DIPK1A: variants seen among roughly 807,000 people sequenced by gnomAD.
DIPK1A encodes the protein family with sequence similarity 69 member A.
In DIPK1A, 27 loss-of-function variants were observed where a neutral mutation model predicts 40.8. That is an observed-to-expected ratio of 0.66 (90% CI 0.49 to 0.91). The LOEUF (loss-of-function observed/expected upper bound fraction) is 0.91, where lower values mean the gene tolerates loss of function less well. Among genes scored for constraint, DIPK1A ranks in the 40% least tolerant of loss-of-function variants. The pLI is 0.00. For missense variants in DIPK1A, 412 were observed against 505.7 expected (o/e 0.81, Z 1.78); for synonymous variants, 166 against 171.3 (o/e 0.97, Z 0.24).
chr1:92,836,460 G>C lies in DIPK1A; in HGVS notation c.475-3426C>G, dbSNP rs191435290. The C allele has an allele frequency of 9.1e-6, 13 of 1,425,466 alleles. No homozygotes were observed. The East Asian group carries it at 3.0e-4, about 32-fold the overall frequency. The allele number at this position is 1,425,466 out of a possible 1,614,324, so 88.3% of individuals were successfully genotyped here. On this transcript the variant is annotated intron_variant, in intron 4 of 4. Coordinates refer to the DIPK1A transcript ENST00000615519. Reference sequence around the variant, plus strand: ...TTCCCTGTTTTTAACTAGTTGGACTGTGGAGATAACCGAATTAAAGTAGCT... The same window carrying C: ...TTCCCTGTTTTTAACTAGTTGGACTCTGGAGATAACCGAATTAAAGTAGCT...
downstream of DIPK1A, chr1:92,837,659 A>T: frequency 1.3e-6 from 2 of 1,590,804 alleles, no homozygotes; most frequent in Non-Finnish European, 8.6e-7. Flanking sequence ...AAAAATGCCT[A>T]TATTGGTTAA....
downstream of DIPK1A, chr1:92,841,811 A>C (rs368043950): frequency 1.9e-6 from 3 of 1,611,742 alleles, no homozygotes; most frequent in African/African-American, 4.0e-5. Flanking sequence ...AGGATCGGGT[A>C]GCTCAAAAGA....
intron 1 of DIPK1A, among the ~76,000 whole-genome samples, chr1:92,940,658 C>A (rs1459191021): frequency 2.0e-5 from 3 of 152,176 alleles, no homozygotes; most frequent in Admixed American, 6.5e-5. Flanking sequence ...AAACTATATA[C>A]CCCCTTGCAT....
At chr1:92,856,223 AAC>A (rs1173144248) in intron 2 of DIPK1A, among the ~76,000 whole-genome samples, 4 of 152,158 alleles carry the variant, frequency 2.6e-5, no homozygotes, top group African/African-American at 9.6e-5. Flanking sequence ...AAAAAATAGA[AAC>A]AATTTATGGT....
At chr1:92,934,722 T>C (rs1650883498) in intron 1 of DIPK1A, among the ~76,000 whole-genome samples, 1 of 152,166 alleles carries the variant, frequency 6.6e-6, no homozygotes, top group Non-Finnish European at 1.5e-5. Context: ...CAGAATCAAA[T>C]AGCTCAGCAT....
chr1:92,944,884 G>C (rs1475276147), intron 1 of DIPK1A, among the ~76,000 whole-genome samples: 1 of 152,104 alleles, frequency 6.6e-6, no homozygotes, highest in Non-Finnish European at 1.5e-5. Flanking sequence ...TGATCCTCCT[G>C]CTTTGCGCTC....
At chr1:92,924,010 A>T (rs1249988486) in intron 1 of DIPK1A, among the ~76,000 whole-genome samples, 1 of 152,378 alleles carries the variant, frequency 6.6e-6, no homozygotes, top group Middle Eastern at 3.4e-3. Flanking sequence ...AGGGACTCAA[A>T]TAACATACCT....
At position 92,844,213 on chromosome 1, in the gene DIPK1A, A is replaced by C; in HGVS notation, c.475-18T>G. ...AATTTTGCCTGTCAAGAATTTGGCT[A>C]GTTACACAGAAGGAATGAAAAATAC... is the stretch of plus-strand genomic sequence containing the variant. On this transcript the variant is annotated intron_variant, in intron 4 of 4. Transcript: ENST00000370310. The C allele has an allele frequency of 1.3e-6, 2 of 1,502,076 alleles. No homozygotes were observed. The highest frequency in any genetic ancestry group is 1.8e-6 in the Non-Finnish European group (2 of 1,107,644). 93.0% of individuals were successfully genotyped at this position (1,502,076 alleles called of 1,614,324 possible). A position where few individuals can be genotyped will look rare whatever the true frequency, so the allele number is the denominator to read the frequency against.
intron 4 of DIPK1A, chr1:92,845,541 GAAAA>G (rs545634818): frequency 5.7e-5 from 13 of 227,112 alleles, no homozygotes; most frequent in Admixed American, 2.7e-4. Flanking sequence ...CGTCTCTGCT[GAAAA>G]AAAAAAAAAA....
intron 1 of DIPK1A, among the ~76,000 whole-genome samples, chr1:92,958,409 C>A (rs929914310): frequency 6.6e-5 from 10 of 152,138 alleles, no homozygotes; most frequent in Non-Finnish European, 1.3e-4. Context: ...GGTCTTTGAC[C>A]CCATCCAGTT....
chr1:92,901,782 T>C (rs2100822314), intron 1 of DIPK1A, among the ~76,000 whole-genome samples: 1 of 152,186 alleles, frequency 6.6e-6, no homozygotes, highest in South Asian at 2.1e-4. Context: ...AGGCAGGGAA[T>C]GCACAGCAAT....
chr1:92,842,103 T>C (rs978927970), downstream of DIPK1A: 64 of 802,006 alleles, frequency 8.0e-5, no homozygotes, highest in Non-Finnish European at 1.0e-4. Flanking sequence ...TTATCCCTTA[T>C]GTTGTATGAT....
chr1:92,849,250 T>C (rs1687729057), intron 3 of DIPK1A, among the ~76,000 whole-genome samples: 1 of 152,230 alleles, frequency 6.6e-6, no homozygotes, highest in Non-Finnish European at 1.5e-5. Context: ...ACAATTATTT[T>C]GTTTGTTTAT....
chr1:92,871,851 T>G (rs1413686220), intron 2 of DIPK1A, among the ~76,000 whole-genome samples: 3 of 152,158 alleles, frequency 2.0e-5, no homozygotes, highest in Non-Finnish European at 4.4e-5. Flanking sequence ...ATTTTGTTTA[T>G]CCATTCATCT....
chr1:92,862,569 A>G lies in DIPK1A; in HGVS notation c.190-11614T>C, dbSNP rs190217035. On this transcript the variant is annotated intron_variant, in intron 2 of 4. Transcript: ENST00000370310. ...TTGTGCCTGGATTATTACAACTGCC[A>G]TAAAACAGATCCCCCTGCTTGTGCT... 3.3e-5 allele frequency among the ~76,000 whole-genome samples: 5 copies of G among 152,310 alleles called. No individual in the cohort carries two copies. The East Asian group carries it at 9.6e-4, about 29-fold the overall frequency.
chr1:92,961,437 A>T lies in DIPK1A; in HGVS notation c.-8T>A. ...ACAGAGACTCCTCGCCATGGTAATCACACATCGCCCCGCCGCGCTGCAGTC... is the reference window on the plus strand; with the variant it reads ...ACAGAGACTCCTCGCCATGGTAATCTCACATCGCCCCGCCGCGCTGCAGTC... On this transcript the variant is annotated 5_prime_UTR_variant, in exon 1 of 5. An upstream open reading frame in the 5' UTR gains an earlier in-frame stop. Coordinates refer to ENST00000370310, the MANE Select transcript of DIPK1A (RefSeq NM_001006605.5). The T allele has an allele frequency of 6.7e-7, 1 of 1,499,766 alleles. No homozygotes were observed. The highest frequency in any genetic ancestry group is 8.9e-7 in the Non-Finnish European group (1 of 1,119,818). The allele number at this position is 1,499,766 out of a possible 1,614,324, so 92.9% of individuals were successfully genotyped here.
chr1:92,884,850 C>T (rs1477738071), intron 1 of DIPK1A, among the ~76,000 whole-genome samples: 1 of 152,174 alleles, frequency 6.6e-6, no homozygotes, highest in African/African-American at 2.4e-5. Flanking sequence ...GACTTACAAG[C>T]TTATTAATAT....
intron 2 of DIPK1A, among the ~76,000 whole-genome samples, chr1:92,866,775 G>A (rs982549570): frequency 2.6e-5 from 4 of 152,208 alleles, no homozygotes; most frequent in African/African-American, 9.7e-5. Flanking sequence ...AATGTTGCCT[G>A]TAGACAGCAG....
At chr1:92,851,001 A>T in intron 2 of DIPK1A, 46 bp from the exon 3 acceptor site, 1 of 1,213,082 alleles carries the variant, frequency 8.2e-7, no homozygotes, top group South Asian at 1.3e-5. Context: ...AAATATTCAC[A>T]AGAAGAAGCA....
Sources: allele counts gnomAD v4.1 joint callset (sites outside exome capture counted in the v4.1 genomes callset), GRCh38; gene constraint gnomAD v4.1.1; transcripts MANE v1.5; gene names NCBI Gene and HGNC (gene_info 2026-07-23, HGNC 2026-07-21).